Variants in PRELID2 observed in about 807,000 individuals in gnomAD.
PRELID2 encodes the protein PRELI domain containing 2.
Under a neutral mutation model 28.4 loss-of-function variants are expected in PRELID2, and 25 were observed. The ratio of observed to expected loss-of-function variants is 0.88; its 90% CI spans 0.64 to 1.23. PRELID2 has a LOEUF of 1.23. Among genes scored for constraint, PRELID2 ranks in the 50% most tolerant of loss-of-function variants. The pLI, the probability that PRELID2 is intolerant of heterozygous loss-of-function variation, is 0.00. For synonymous variants in PRELID2, 76 were observed against 71.6 expected (o/e 1.06, Z -0.31); for missense variants, 201 against 214.4 (o/e 0.94, Z 0.39).
intron 1 of PRELID2, among the ~76,000 whole-genome samples, chr5:145,500,743 G>A (rs1467943559): frequency 6.6e-6 from 1 of 152,158 alleles, no homozygotes; most frequent in Non-Finnish European, 1.5e-5. Flanking sequence ...AAAGAAGCAT[G>A]GATTGTGTTA....
intron 1 of PRELID2, among the ~76,000 whole-genome samples, chr5:145,724,600 AATATATATATAT>A (rs59677300): frequency 0.017 from 420 of 24,734 alleles, 12 homozygotes; most frequent in Middle Eastern, 0.067. Context: ...GAAGTAAATA[AATATATATATAT>A]ATATATATAT....
At chr5:145,411,486 A>T in the PRELID2 span, among the ~76,000 whole-genome samples, 1 of 152,330 alleles carries the variant, frequency 6.6e-6, no homozygotes, top group Non-Finnish European at 1.5e-5. Context: ...TATCCAAGAC[A>T]CACTGATGCA....
the PRELID2 span, among the ~76,000 whole-genome samples, chr5:145,370,187 C>A: frequency 1.3e-5 from 2 of 151,878 alleles, no homozygotes; most frequent in South Asian, 2.1e-4. Flanking sequence ...AGTCATGAAG[C>A]CTTTGCGCAT....
chr5:145,395,416 A>G, the PRELID2 span, among the ~76,000 whole-genome samples: 2 of 152,110 alleles, frequency 1.3e-5, no homozygotes, highest in East Asian at 1.9e-4. Context: ...CTCTATCCCA[A>G]CTTAATTTTC....
chr5:145,556,772 C>T (rs1430323686), intron 1 of PRELID2, among the ~76,000 whole-genome samples: 1 of 152,144 alleles, frequency 6.6e-6, no homozygotes, highest in Non-Finnish European at 1.5e-5. Context: ...TGGCCTTCTC[C>T]CAGGAGATAA....
rs913586047 is a variant in PRELID2, at chr5:145,735,540, T to C, written n.70+29391A>G. On this transcript the variant is annotated intron_variant and non_coding_transcript_variant, in intron 1 of 2. Transcript: ENST00000510259. Reference sequence around the variant, plus strand: ...ACTCAAGAAGTATACAGATATTTCATGACTGGAGAAAAAAAGAAAAAGAAA... The same window carrying C: ...ACTCAAGAAGTATACAGATATTTCACGACTGGAGAAAAAAAGAAAAAGAAA... Among the ~76,000 whole-genome samples, 107 of 152,322 alleles carry C rather than the reference T, an allele frequency of 7.0e-4. 1 individual carries two copies. The highest frequency in any genetic ancestry group is 2.5e-3 in the African/African-American group (103 of 41,568).
chr5:145,407,369 G>A, the PRELID2 span, among the ~76,000 whole-genome samples: 1 of 152,166 alleles, frequency 6.6e-6, no homozygotes, highest in East Asian at 1.9e-4. Flanking sequence ...CCTATATGAT[G>A]GGGCAGAGGC....
intron 1 of PRELID2, among the ~76,000 whole-genome samples, chr5:145,477,503 G>A (rs1431897567): frequency 6.6e-6 from 1 of 152,202 alleles, no homozygotes. Context: ...AGGCCCATCA[G>A]TGAACCAATC....
intron 1 of PRELID2, among the ~76,000 whole-genome samples, chr5:145,616,683 C>A (rs7449247): frequency 0.13 from 19,406 of 152,034 alleles, 1,745 homozygotes; most frequent in African/African-American, 0.23. Context: ...AATAGAATAT[C>A]ACAAGGCAAA....
At position 145,835,158 on chromosome 5, in the gene PRELID2, G is replaced by A. The variant is rs1755855496; in HGVS notation, c.75+19C>T. On this transcript the variant is annotated intron_variant, in intron 1 of 6. Transcript: ENST00000683046. ...AGCGGAGGCAGCGCGGGATACGGAA[G>A]GTGGAAGCGGGGCGGTACCTTTCGG... 2 of 1,531,856 alleles carry A rather than the reference G, an allele frequency of 1.3e-6. No individual in the cohort carries two copies. Among genetic ancestry groups the A allele is most frequent in the African/African-American group, 1.4e-5 (1 of 72,338 alleles). 94.9% of individuals were successfully genotyped at this position (1,531,856 alleles called of 1,614,324 possible). A position where few individuals can be genotyped will look rare whatever the true frequency, so the allele number is the denominator to read the frequency against.
chr5:145,355,922 A>C, the PRELID2 span, among the ~76,000 whole-genome samples: 14 of 152,164 alleles, frequency 9.2e-5, no homozygotes. Flanking sequence ...TTAACAAATA[A>C]TTAATAATTA....
At chr5:145,346,476 G>C in the PRELID2 span, among the ~76,000 whole-genome samples, 1 of 152,118 alleles carries the variant, frequency 6.6e-6, no homozygotes, top group African/African-American at 2.4e-5. Flanking sequence ...CTTGGCCCAA[G>C]ATAATGCACT....
At chr5:145,551,154 G>A (rs919970331) in intron 1 of PRELID2, among the ~76,000 whole-genome samples, 5 of 152,120 alleles carry the variant, frequency 3.3e-5, no homozygotes, top group Non-Finnish European at 7.4e-5. Context: ...AAGAGAACCT[G>A]CTTATTGGGA....
downstream of PRELID2, among the ~76,000 whole-genome samples, chr5:145,469,019 C>T (rs537336435): frequency 1.3e-5 from 2 of 151,998 alleles, no homozygotes; most frequent in Non-Finnish European, 2.9e-5. Context: ...TTTTTAGTTG[C>T]AGACTTCTAA....
chr5:145,435,077 G>A, the PRELID2 span, among the ~76,000 whole-genome samples: 3 of 152,206 alleles, frequency 2.0e-5, no homozygotes, highest in East Asian at 1.9e-4. Flanking sequence ...GCTAAGCACT[G>A]CTGTAGCAGC....
At chr5:145,653,261 A>G (rs1428635072) in intron 1 of PRELID2, among the ~76,000 whole-genome samples, 1 of 152,192 alleles carries the variant, frequency 6.6e-6, no homozygotes, top group Non-Finnish European at 1.5e-5. Flanking sequence ...AAGTCCTTAG[A>G]GACCTACAAA....
chr5:145,478,362 A>G (rs940112105), intron 1 of PRELID2, among the ~76,000 whole-genome samples: 2 of 152,162 alleles, frequency 1.3e-5, no homozygotes, highest in African/African-American at 4.8e-5. Context: ...CCTGGCCAAC[A>G]TGGTGAAACC....
At chr5:145,400,289 A>G in the PRELID2 span, among the ~76,000 whole-genome samples, 32 of 152,060 alleles carry the variant, frequency 2.1e-4, no homozygotes, top group Admixed American at 1.4e-3. Flanking sequence ...TCCAGACCTC[A>G]GAGACGCCAA....
chr5:145,239,338 G>A, the PRELID2 span, among the ~76,000 whole-genome samples: 1 of 152,098 alleles, frequency 6.6e-6, no homozygotes, highest in Admixed American at 6.6e-5. Flanking sequence ...CCATGTTCCA[G>A]GAATCACTTG....
Sources: gnomAD v4.1 joint callset for allele counts (sites outside exome capture counted in the v4.1 genomes callset) on GRCh38, gnomAD v4.1.1 for gene constraint, MANE v1.5 for transcripts, NCBI Gene and HGNC (gene_info 2026-07-23, HGNC 2026-07-21) for gene names.